Variants in RBM42 observed in about 807,000 individuals in gnomAD.
The protein encoded by RBM42 is RNA binding motif protein 42.
Under a neutral mutation model 41.4 loss-of-function variants are expected in RBM42, and 21 were observed. That is an observed-to-expected ratio of 0.51 (90% confidence interval 0.36 to 0.73). The LOEUF (loss-of-function observed/expected upper bound fraction) is 0.73. RBM42 is among the 30% of genes least tolerant of loss of function. RBM42 has a pLI of 0.00. For missense variants in RBM42, 539 were observed against 680.4 expected (o/e 0.79, Z 2.31); for synonymous variants, 272 against 271.2 (o/e 1.00, Z -0.03).
At position 35,633,103 on chromosome 19, in the gene RBM42, G is replaced by A. The variant is rs376033321; in HGVS notation, c.535G>A (p.Gly179Ser). 4.4e-5 allele frequency: 71 copies of A among 1,612,672 alleles called. No individual in the cohort carries two copies. In the African/African-American group the frequency reaches 4.5e-4, roughly 10 times the overall value. ...ADSALSSAAA[G>S]PRPMALRPPH... ...TTCCGCTCTCTCCTCTGCAGCAGCCGGCCCCCGCCCTATGGCCCTACGGCC... is the reference window on the plus strand; with the variant it reads ...TTCCGCTCTCTCCTCTGCAGCAGCCAGCCCCCGCCCTATGGCCCTACGGCC... Residue 179 changes from glycine (G) to serine (S), a missense_variant, in exon 6 of 10, where the codon GGC (glycine) becomes AGC (serine). Around this residue, in one of 2 missense-constraint regions of RBM42, gnomAD observed 429 missense variants for 488.9 expected, o/e 0.88. Transcript: ENST00000262633.
In RBM42 at chr19:35,633,776, G is replaced by T; in HGVS notation, c.774G>T (p.Gly258=). The stretch of plus-strand genomic sequence containing the variant: ...AGGCAGTGGTGGCGGCGGCGGCTGG[G>T]CTGGAGGAGGCTAGCGCGGCTGTGG... The part of the protein sequence containing the change: ...KEEAVVAAAA[G]LEEASAAVAV... The change falls in exon 7 of 10, where the codon GGG becomes GGT. Residue 258 remains glycine, a synonymous_variant. Transcript: ENST00000262633. The T allele has an allele frequency of 6.7e-7, 1 of 1,496,246 alleles. No homozygotes were observed. Among genetic ancestry groups the T allele is most frequent in the Non-Finnish European group, 8.9e-7 (1 of 1,129,588 alleles). The allele number at this position is 1,496,246 out of a possible 1,614,324, so 92.7% of individuals were successfully genotyped here.
At chr19:35,635,035 C>T (rs1967472174) in intron 8 of RBM42, among the ~76,000 whole-genome samples, 1 of 151,800 alleles carries the variant, frequency 6.6e-6, no homozygotes, top group African/African-American at 2.4e-5. Context: ...GATATTTTGG[C>T]CAGGCACGGT....
At position 35,632,973 on chromosome 19, in the gene RBM42, C is replaced by A; in HGVS notation, c.480C>A (p.Ala160=). 6.2e-7 allele frequency: 1 copy of A among 1,609,670 alleles called. No individual in the cohort carries two copies. The highest frequency in any genetic ancestry group is 8.5e-7 in the Non-Finnish European group (1 of 1,176,354). ...AGAGGGCCCCTATCCTGCGTCCAGCCTTCGTCCCCCACGTGCTACAGAGAG... is the reference window on the plus strand; with the variant it reads ...AGAGGGCCCCTATCCTGCGTCCAGCATTCGTCCCCCACGTGCTACAGAGAG... ...APQRAPILRP[A]FVPHVLQRAD... The change falls in exon 5 of 10, where the codon GCC becomes GCA. Residue 160 remains alanine, a synonymous_variant. Transcript: ENST00000262633.
chr19:35,629,470 CCAAAATTGGTA>C, intron 1 of RBM42, 39 bp from the exon 2 acceptor site: 1 of 1,606,104 alleles, frequency 6.2e-7, no homozygotes, highest in East Asian at 2.2e-5. Context: ...ACCCACAGTT[CCAAAATTGGTA>C]CGAGGTCCTG....
chr19:35,629,541 G>T lies in RBM42; in HGVS notation c.150G>T (p.Gly50=), dbSNP rs1967367716. 6.2e-7 allele frequency: 1 copy of T among 1,614,188 alleles called. No homozygotes were observed. Among genetic ancestry groups the T allele is most frequent in the Non-Finnish European group, 8.5e-7 (1 of 1,180,036 alleles). The change falls in exon 2 of 10, where the codon GGG becomes GGT. Residue 50 remains glycine (G), a synonymous_variant. Coordinates refer to ENST00000262633, the MANE Select transcript of RBM42 (RefSeq NM_024321.5). ...EMALFEQEVL[G]APVPGIPTAV... is the part of the protein sequence containing the mutation. ...CCAGGTTTGAGCAGGAAGTTCTGGG[G>T]GCTCCAGTACCTGGAATCCCAACTG...
chr19:35,631,550 T>G, intron 4 of RBM42, 145 bp downstream of exon 4: 2 of 714,120 alleles, frequency 2.8e-6, no homozygotes, highest in Non-Finnish European at 4.6e-6. Context: ...AACCTGATCA[T>G]GTCCTTTCTG....
chr19:35,629,821 G>GTCTCTCTCAGTCATT, intron 2 of RBM42, 148 bp downstream of exon 2: 3 of 802,514 alleles, frequency 3.7e-6, no homozygotes, highest in Non-Finnish European at 5.8e-6. Flanking sequence ...ACACAGTAAT[G>GTCTCTCTCAGTCATT]ACTGAGAGAG....
Position 35,629,300 on chromosome 19 carries a change from A to G in RBM42, c.128+19A>G. 1 of 1,503,648 alleles carries G rather than the reference A, an allele frequency of 6.7e-7. No homozygotes were observed. The highest frequency in any genetic ancestry group is 1.2e-5 in the South Asian group (1 of 81,626). 93.1% of individuals were successfully genotyped at this position (1,503,648 alleles called of 1,614,324 possible). A position where few individuals can be genotyped will look rare whatever the true frequency, so the allele number is the denominator to read the frequency against. The stretch of plus-strand genomic sequence containing the variant: ...TGGCCCTGTAAGGCCCGCGACAGAG[A>G]GTGATAAAAGTCGTCCCAGAGCCAG... On this transcript the variant is annotated intron_variant, in intron 1 of 9. Coordinates refer to ENST00000262633, the MANE Select transcript of RBM42 (RefSeq NM_024321.5).
chr19:35,633,650 T>A, intron 6 of RBM42, 37 bp from the exon 7 acceptor site: 1 of 1,389,076 alleles, frequency 7.2e-7, no homozygotes, highest in South Asian at 1.8e-5. Flanking sequence ...TCTGAGCCTG[T>A]GAGCCGGCCC....
In RBM42 at chr19:35,633,669, C is replaced by A; in HGVS notation, c.685-18C>A. The A allele has an allele frequency of 7.0e-7, 1 of 1,424,492 alleles. No individual in the cohort carries two copies. 88.2% of individuals were successfully genotyped at this position (1,424,492 alleles called of 1,614,324 possible). ...AGCCTGTGAGCCGGCCCCCCTCATG[C>A]TCTCCTCTTACCCACAGGAAGAGCC... On this transcript the variant is annotated intron_variant, in intron 6 of 9. Transcript: ENST00000262633.
rs762073956 is a variant in RBM42, at chr19:35,633,879, C to T, written c.877C>T (p.Pro293Ser). 2.5e-6 allele frequency: 4 copies of T among 1,594,116 alleles called. No individual in the cohort carries two copies. The Admixed American group carries it at 5.1e-5, about 20-fold the overall frequency. The change falls in exon 7 of 10, where the codon CCC becomes TCC. Residue 293 changes from proline to serine, a missense_variant. Physicochemically the swap from Pro to Ser is moderately conservative, Grantham distance 74. Coordinates refer to ENST00000262633, the MANE Select transcript of RBM42 (RefSeq NM_024321.5). Reference sequence around the variant, plus strand: ...GCCGCTGGCCCTGGCCATGCCATTGCCCGAGCCTGAGCCCCTGCCCCTCCC... The same window carrying T: ...GCCGCTGGCCCTGGCCATGCCATTGTCCGAGCCTGAGCCCCTGCCCCTCCC... ...SLPLALAMPL[P>S]EPEPLPLPLE...
chr19:35,633,643 G>A (rs1967444727), intron 6 of RBM42, 44 bp from the exon 7 acceptor site: 2 of 1,385,720 alleles, frequency 1.4e-6, no homozygotes, highest in African/African-American at 3.0e-5. Context: ...AGTAAAGTCT[G>A]AGCCTGTGAG....
intron 4 of RBM42, 62 bp from the exon 5 acceptor site, chr19:35,632,874 C>T: frequency 3.8e-6 from 3 of 779,490 alleles, no homozygotes; most frequent in South Asian, 1.4e-5. Context: ...CATGCACACA[C>T]ACACCTTGTC....
chr19:35,633,888 G>A lies in RBM42; in HGVS notation c.886G>A (p.Glu296Lys). 2 of 1,595,828 alleles carry A rather than the reference G, an allele frequency of 1.3e-6. No homozygotes were observed. Among genetic ancestry groups the A allele is most frequent in the East Asian group, 2.3e-5 (1 of 44,102 alleles). Residue 296 changes from glutamate to lysine, a missense_variant, in exon 7 of 10, where the codon GAG becomes AAG. Physicochemically the swap from Glu to Lys is moderately conservative, Grantham distance 56 (BLOSUM62 1). Around this residue, in one of 2 missense-constraint regions of RBM42, gnomAD observed 429 missense variants for 488.9 expected, o/e 0.88. Transcript: ENST00000262633. ...LALAMPLPEP[E>K]PLPLPLEVVR... ...CCTGGCCATGCCATTGCCCGAGCCT[G>A]AGCCCCTGCCCCTCCCGTTGGAGGT...
Position 35,637,683 on chromosome 19 carries a change from C to T in RBM42, c.*129C>T. On this transcript the variant is annotated 3_prime_UTR_variant, in exon 10 of 10. Transcript: ENST00000262633. This position sits in a 1 kb window ranked among gnomAD's most constrained non-coding sequence, Gnocchi z 7.0. ...AGTTTCAATAAATTTACGTTCATTTCCACCCCTGGCTGGGCATGGAAGCAC... is the reference window on the plus strand; with the variant it reads ...AGTTTCAATAAATTTACGTTCATTTTCACCCCTGGCTGGGCATGGAAGCAC... 1 of 720,126 alleles carries T rather than the reference C, an allele frequency of 1.4e-6. No individual in the cohort carries two copies. The highest frequency in any genetic ancestry group is 2.7e-5 in the East Asian group (1 of 36,922). 44.6% of individuals were successfully genotyped at this position (720,126 alleles called of 1,614,324 possible). A position where few individuals can be genotyped will look rare whatever the true frequency, so the allele number is the denominator to read the frequency against.
Position 35,637,159 on chromosome 19 carries a change from T to G in RBM42, c.1137T>G (p.Asp379Glu). The G allele has an allele frequency of 6.2e-7, 1 of 1,612,320 alleles. No homozygotes were observed. The highest frequency in any genetic ancestry group is 8.5e-7 in the Non-Finnish European group (1 of 1,179,086). The change falls in exon 9 of 10, where the codon GAT becomes GAG. Residue 379 changes from aspartate (D) to glutamate (E), a missense_variant and splice_region_variant. Around this residue, in one of 2 missense-constraint regions of RBM42, gnomAD observed 110 missense variants for 191.5 expected, o/e 0.57. Transcript: ENST00000262633. This position sits in a 1 kb window ranked among gnomAD's most constrained non-coding sequence, Gnocchi z 7.0. ...ATGTCATCTCTTCCCCATCCCCAGA[T>G]GACTTCCGGATCTTCTGTGGGGATC... ...EDPSLLEWDA[D>E]DFRIFCGDLG...
intron 8 of RBM42, among the ~76,000 whole-genome samples, chr19:35,635,512 TTTTTTTTTTTC>T (rs1340839659): frequency 2.4e-5 from 2 of 84,780 alleles, no homozygotes; most frequent in African/African-American, 8.1e-5. Context: ...CAATTATATC[TTTTTTTTTTTC>T]TTTTTTTTTT....
chr19:35,634,449 G>A, intron 8 of RBM42, 76 bp downstream of exon 8: 1 of 1,070,342 alleles, frequency 9.3e-7, no homozygotes, highest in Non-Finnish European at 1.4e-6. Flanking sequence ...GCTGCAGACT[G>A]GGAGGGTGAA....
Position 35,629,628 on chromosome 19 carries a change from G to A in RBM42, c.237G>A (p.Ala79=), listed in dbSNP as rs1222096888. 2 of 1,614,050 alleles carry A rather than the reference G, an allele frequency of 1.2e-6. No homozygotes were observed. Among genetic ancestry groups the A allele is most frequent in the Non-Finnish European group, 8.5e-7 (1 of 1,180,032 alleles). ...VPTVEAMQVP[A]APVIRPIIAT... is the part of the protein sequence containing the mutation. ...CAGTAGAAGCGATGCAGGTCCCAGCGGCTCCTGTGATCCGCCCAATTATCG... is the reference window on the plus strand; with the variant it reads ...CAGTAGAAGCGATGCAGGTCCCAGCAGCTCCTGTGATCCGCCCAATTATCG... The change falls in exon 2 of 10, where the codon GCG becomes GCA. Residue 79 remains alanine (A), a synonymous_variant. Coordinates refer to ENST00000262633, the MANE Select transcript of RBM42 (RefSeq NM_024321.5).
Sources: allele counts gnomAD v4.1 joint callset (sites outside exome capture counted in the v4.1 genomes callset), GRCh38; gene constraint gnomAD v4.1.1; regional missense constraint gnomAD v4.1.1; non-coding constraint Gnocchi (gnomAD v3.1); transcripts MANE v1.5; gene names NCBI Gene and HGNC (gene_info 2026-07-23, HGNC 2026-07-21).